ELL: variants seen among roughly 807,000 people sequenced by gnomAD.
ELL encodes RNA polymerase II elongation factor ELL.
Under a neutral mutation model 64.0 loss-of-function variants are expected in ELL, and 18 were observed. The observed-to-expected ratio is 0.28, with a 90% CI of 0.19 to 0.42. The LOEUF is 0.42. Ranked by LOEUF, ELL falls within the 10% of genes least tolerant of loss-of-function variation. The probability of loss-of-function intolerance (pLI) is 1.00; values close to 1 mark genes in which losing one functional copy is unlikely to be tolerated. For missense variants in ELL, 797 were observed against 870.4 expected (o/e 0.92, Z 1.06); for synonymous variants, 399 against 376.2 (o/e 1.06, Z -0.70).
chr19:18,459,423 A>G (rs1035012002), intron 5 of ELL, among the ~76,000 whole-genome samples: 7 of 152,176 alleles, frequency 4.6e-5, no homozygotes, highest in Admixed American at 4.6e-4. Context: ...GTGCTGGCCT[A>G]CAGGGCACTC....
At chr19:18,512,409 G>T (rs138007194) in intron 1 of ELL, among the ~76,000 whole-genome samples, 1 of 152,290 alleles carries the variant, frequency 6.6e-6, no homozygotes, top group African/African-American at 2.4e-5. Context: ...AGGCCAAGGC[G>T]GGCAGGTCGC....
chr19:18,445,365 G>GT, intron 10 of ELL, 97 bp from the exon 11 acceptor site: 1 of 903,888 alleles, frequency 1.1e-6, no homozygotes, highest in East Asian at 2.7e-5. Context: ...GGGGGCATGG[G>GT]AGGGTGGGGC....
At chr19:18,488,115 C>G (rs973034176) in intron 1 of ELL, among the ~76,000 whole-genome samples, 1 of 152,228 alleles carries the variant, frequency 6.6e-6, no homozygotes, top group Non-Finnish European at 1.5e-5. Flanking sequence ...CCTGAAGGCA[C>G]CCGGCAGGTG....
rs1330631322 is a variant in ELL, at chr19:18,449,212, G to C, written c.1465+1265C>G. ...CCTAGGCACTGGGCATCCAAGGAAG[G>C]GACACAGCCCAGAGTGGTCTGTGGA... On this transcript the variant is annotated intron_variant, in intron 8 of 11. Coordinates refer to ENST00000262809, the MANE Select transcript of ELL (RefSeq NM_006532.4). The surrounding 1 kb of genome is among the most constrained non-coding windows in gnomAD (Gnocchi z 4.4). Among the ~76,000 whole-genome samples the C allele has an allele frequency of 6.6e-6, 1 of 152,148 alleles. No individual in the cohort carries two copies. The highest frequency in any genetic ancestry group is 1.5e-5 in the Non-Finnish European group (1 of 68,014).
At chr19:18,466,042 T>C in intron 2 of ELL, 124 bp from the exon 3 acceptor site, 2 of 957,230 alleles carry the variant, frequency 2.1e-6, no homozygotes, top group Non-Finnish European at 2.7e-6. Context: ...CCCTTTTCCC[T>C]AAAACACACC....
intron 1 of ELL, among the ~76,000 whole-genome samples, chr19:18,481,374 G>C (rs373702587): frequency 1.3e-5 from 2 of 152,278 alleles, no homozygotes; most frequent in East Asian, 3.9e-4. Context: ...GGCTCTAGGG[G>C]AGGACCTTTC....
At position 18,484,229 on chromosome 19, in the gene ELL, C is replaced by T. The variant is rs140638561; in HGVS notation, c.136-11347G>A. On this transcript the variant is annotated intron_variant, in intron 1 of 11. Transcript: ENST00000262809. ...CTGTAATCCCAGCACTTTGGGAAGC[C>T]GAGGTGGGTGGATCACTTGAAGTCA... 7.1e-3 allele frequency among the ~76,000 whole-genome samples: 1,077 copies of T among 152,242 alleles called. 14 individuals carry two copies. Among genetic ancestry groups the T allele is most frequent in the African/African-American group, 0.025 (1,027 of 41,536 alleles).
intron 1 of ELL, among the ~76,000 whole-genome samples, chr19:18,494,633 C>G (rs1250942536): frequency 6.6e-6 from 1 of 152,272 alleles, no homozygotes; most frequent in East Asian, 1.9e-4. Context: ...TCAAGTGATC[C>G]GCCCACCTTG....
chr19:18,517,902 A>AG (rs902969775), intron 1 of ELL, among the ~76,000 whole-genome samples: 4 of 150,498 alleles, frequency 2.7e-5, no homozygotes, highest in Non-Finnish European at 5.9e-5. Context: ...AAAAAAAAAA[A>AG]GAAGGAGAAG....
At chr19:18,520,638 G>A (rs1237888242) in intron 1 of ELL, among the ~76,000 whole-genome samples, 1 of 152,032 alleles carries the variant, frequency 6.6e-6, no homozygotes, top group Non-Finnish European at 1.5e-5. Context: ...TTAGCTAATG[G>A]AGCTGAACAA....
Position 18,501,367 on chromosome 19 carries a change from T to C in ELL, c.135+20554A>G, listed in dbSNP as rs373795819. On this transcript the variant is annotated intron_variant, in intron 1 of 11. Transcript: ENST00000262809. The surrounding 1 kb of genome is among the most constrained non-coding windows in gnomAD (Gnocchi z 4.5). ...CCAAATTAAGAGGAATCAAAAACCCTGCTGAGCGAGAGAACGTGGGAAAGG... is the reference window on the plus strand; with the variant it reads ...CCAAATTAAGAGGAATCAAAAACCCCGCTGAGCGAGAGAACGTGGGAAAGG... 2.6e-5 allele frequency among the ~76,000 whole-genome samples: 4 copies of C among 152,160 alleles called. No individual in the cohort carries two copies. The East Asian group carries it at 7.7e-4, about 29-fold the overall frequency.
At chr19:18,495,805 A>G (rs1975638768) in intron 1 of ELL, among the ~76,000 whole-genome samples, 1 of 152,168 alleles carries the variant, frequency 6.6e-6, no homozygotes, top group Non-Finnish European at 1.5e-5. Context: ...CCCAATACTG[A>G]CCAAGACCTG....
Position 18,449,060 on chromosome 19 carries a change from C to A in ELL, c.1465+1417G>T, listed in dbSNP as rs983801599. 2.6e-5 allele frequency among the ~76,000 whole-genome samples: 4 copies of A among 152,174 alleles called. No homozygotes were observed. The highest frequency in any genetic ancestry group is 5.9e-5 in the Non-Finnish European group (4 of 68,026). ...CTTTTCTTGGTGCTTGGGACATCTACCCCTGCTTTGCATTTTCTCACCTGT... is the reference window on the plus strand; with the variant it reads ...CTTTTCTTGGTGCTTGGGACATCTAACCCTGCTTTGCATTTTCTCACCTGT... On this transcript the variant is annotated intron_variant, in intron 8 of 11. Coordinates refer to ENST00000262809, the MANE Select transcript of ELL (RefSeq NM_006532.4). This position sits in a 1 kb window ranked among gnomAD's most constrained non-coding sequence, Gnocchi z 4.4.
At chr19:18,478,658 G>C (rs572212239) in intron 1 of ELL, among the ~76,000 whole-genome samples, 1 of 152,380 alleles carries the variant, frequency 6.6e-6, no homozygotes, top group South Asian at 2.1e-4. Context: ...GACACAGTCA[G>C]CAGGTCAGCT....
At chr19:18,473,024 C>T (rs1190110098) in intron 1 of ELL, 142 bp from the exon 2 acceptor site, 9 of 1,043,480 alleles carry the variant, frequency 8.6e-6, no homozygotes, top group Non-Finnish European at 1.2e-5. Context: ...TGCACACACT[C>T]TGAAAATTAT....
At chr19:18,510,558 C>CT in intron 1 of ELL, among the ~76,000 whole-genome samples, 1 of 152,274 alleles carries the variant, frequency 6.6e-6, no homozygotes, top group African/African-American at 2.4e-5. Context: ...AGACCTTCCT[C>CT]TGTCACCTGT....
chr19:18,471,182 G>A (rs113664077), intron 2 of ELL: 12 of 364,654 alleles, frequency 3.3e-5, no homozygotes, highest in African/African-American at 1.7e-4. Context: ...AGACCAGCCT[G>A]GACAACATAA....
At chr19:18,507,451 C>T (rs184294925) in intron 1 of ELL, among the ~76,000 whole-genome samples, 14 of 152,364 alleles carry the variant, frequency 9.2e-5, no homozygotes, top group Admixed American at 6.5e-4. Flanking sequence ...CTAATCTGCA[C>T]ACGGCACTTG....
intron 1 of ELL, among the ~76,000 whole-genome samples, chr19:18,517,738 T>A (rs1976158778): frequency 6.6e-6 from 1 of 151,430 alleles, no homozygotes; most frequent in East Asian, 1.9e-4. Flanking sequence ...AGAAAAAAAC[T>A]GGGCCAGGCA....
Sources: gnomAD v4.1 joint callset for allele counts (sites outside exome capture counted in the v4.1 genomes callset) on GRCh38, gnomAD v4.1.1 for gene constraint, Gnocchi (gnomAD v3.1) non-coding constraint, MANE v1.5 for transcripts, NCBI Gene and HGNC (gene_info 2026-07-23, HGNC 2026-07-21) for gene names.